FMN2: variants seen among roughly 807,000 people sequenced by gnomAD.
FMN2 encodes the protein formin-2.
A neutral mutation model predicts 142.3 loss-of-function variants in FMN2; 51 were observed. The observed-to-expected ratio is 0.36, with a 90% CI of 0.29 to 0.45. FMN2 has a LOEUF of 0.45. Ranked by LOEUF, FMN2 falls within the 20% of genes least tolerant of loss-of-function variation. The pLI is 1.00. For synonymous variants in FMN2, 882 were observed against 869.8 expected, an observed-to-expected ratio of 1.01 and a Z score of -0.25; for missense variants, 1,936 against 2,122.8, an observed-to-expected ratio of 0.91 and a Z score of 1.73.
intron 13 of FMN2, among the ~76,000 whole-genome samples, chr1:240,353,958 G>T (rs1672183152): frequency 6.6e-6 from 1 of 152,148 alleles, no homozygotes; most frequent in Non-Finnish European, 1.5e-5. Context: ...ATTAACATTT[G>T]CATTGAGTCT....
At chr1:240,099,944 C>T (rs1235169316) in intron 1 of FMN2, among the ~76,000 whole-genome samples, 2 of 152,250 alleles carry the variant, frequency 1.3e-5, no homozygotes, top group African/African-American at 4.8e-5. Flanking sequence ...ATATCTCTTC[C>T]GTGCCTTGCT....
intron 8 of FMN2, among the ~76,000 whole-genome samples, chr1:240,307,949 C>T (rs900025371): frequency 9.9e-5 from 15 of 152,042 alleles, no homozygotes; most frequent in African/African-American, 3.4e-4. Flanking sequence ...AGATCATTCA[C>T]CTTCTTGGTA....
intron 2 of FMN2, among the ~76,000 whole-genome samples, chr1:240,159,937 G>GTATATATA (rs35292759): frequency 1.4e-5 from 1 of 71,260 alleles, no homozygotes; most frequent in Non-Finnish European, 3.2e-5. Context: ...ATATATTTGT[G>GTATATATA]TATATATATA....
Position 240,092,350 on chromosome 1 carries a change from A to G in FMN2, c.241A>G (p.Arg81Gly). 6.2e-7 allele frequency: 1 copy of G among 1,609,254 alleles called. No homozygotes were observed. The highest frequency in any genetic ancestry group is 8.5e-7 in the Non-Finnish European group (1 of 1,176,886). The stretch of plus-strand genomic sequence containing the variant: ...CTCGGTGTTTTCCAACCTGCGGATC[A>G]GGAAGAATCTGTCCAAGGGGAAAGG... ...RASVFSNLRIRKNLSKGKGAG... is the reference protein window; with the variant it reads ...RASVFSNLRIGKNLSKGKGAG... Residue 81 changes from arginine to glycine, a missense_variant, in exon 1 of 18, where the codon AGG (arginine) becomes GGG (glycine). Coordinates refer to ENST00000319653, the MANE Select transcript of FMN2 (RefSeq NM_020066.5).
intron 15 of FMN2, among the ~76,000 whole-genome samples, chr1:240,425,769 G>C (rs1674921001): frequency 6.6e-6 from 1 of 152,192 alleles, no homozygotes; most frequent in South Asian, 2.1e-4. Flanking sequence ...AGAACGTGGT[G>C]AATGGCTTTG....
At chr1:240,227,264 A>G (rs1188986041) in intron 6 of FMN2, among the ~76,000 whole-genome samples, 1 of 152,134 alleles carries the variant, frequency 6.6e-6, no homozygotes, top group East Asian at 1.9e-4. Flanking sequence ...TTTACACTGA[A>G]TCTAGAAAGC....
At chr1:240,442,995 T>C (rs1675679531) in intron 16 of FMN2, among the ~76,000 whole-genome samples, 1 of 152,226 alleles carries the variant, frequency 6.6e-6, no homozygotes, top group Non-Finnish European at 1.5e-5. Flanking sequence ...TTGAAGTATA[T>C]AGCACAGTAT....
At chr1:240,149,074 A>G (rs978804833) in intron 2 of FMN2, among the ~76,000 whole-genome samples, 1 of 152,150 alleles carries the variant, frequency 6.6e-6, no homozygotes, top group Non-Finnish European at 1.5e-5. Context: ...TTCTTCCTTT[A>G]TATATTAACA....
chr1:240,271,106 T>TTTTTG (rs1045647908), intron 7 of FMN2, among the ~76,000 whole-genome samples: 2 of 143,546 alleles, frequency 1.4e-5, no homozygotes, highest in African/African-American at 2.7e-5. Flanking sequence ...TGGTTTTTTT[T>TTTTTG]TTTTTTTTTT....
chr1:240,187,979 A>G (rs1665550596), intron 3 of FMN2, among the ~76,000 whole-genome samples: 1 of 152,232 alleles, frequency 6.6e-6, no homozygotes, highest in Non-Finnish European at 1.5e-5. Flanking sequence ...AGAAGGGCAT[A>G]GGAATATCCC....
Position 240,098,097 on chromosome 1 carries a change from A to ATTT in FMN2, c.1615+4392_1615+4394dup, listed in dbSNP as rs35191164. Among the ~76,000 whole-genome samples, 36 of 98,670 alleles carry ATTT rather than the reference A, an allele frequency of 3.6e-4. 1 individual carries two copies. The highest frequency in any genetic ancestry group is 1.3e-3 in the African/African-American group (29 of 21,852). The allele number at this position is 98,670 out of a possible 152,430, so 64.7% of individuals were successfully genotyped here. Reference sequence around the variant, plus strand: ...TTGGCCTTTCTAAAGGTTATCTTGAATTTTTTTTTTTTTTTTTTTTTGGAG... The same window carrying ATTT: ...TTGGCCTTTCTAAAGGTTATCTTGAATTTTTTTTTTTTTTTTTTTTTTTTGGAG... On this transcript the variant is annotated intron_variant, in intron 1 of 17. Coordinates refer to ENST00000319653, the MANE Select transcript of FMN2 (RefSeq NM_020066.5).
intron 16 of FMN2, among the ~76,000 whole-genome samples, chr1:240,440,696 G>A (rs774906346): frequency 3.9e-5 from 6 of 152,162 alleles, no homozygotes; most frequent in South Asian, 2.1e-4. Context: ...AGATGAGAAC[G>A]CTGCTTTGCC....
intron 7 of FMN2, among the ~76,000 whole-genome samples, chr1:240,277,488 T>C (rs1343965447): frequency 1.3e-5 from 2 of 150,456 alleles, no homozygotes; most frequent in East Asian, 1.9e-4. Flanking sequence ...TTTATGAAGA[T>C]TATGCCTTAC....
At position 240,143,779 on chromosome 1, in the gene FMN2, ATC is replaced by A. The variant is rs1663299064; in HGVS notation, c.1782+20437_1782+20438del. 6 of 1,512,486 alleles carry A rather than the reference ATC, an allele frequency of 4.0e-6. No homozygotes were observed. In the South Asian group the frequency reaches 6.7e-5, roughly 17 times the overall value. 93.7% of individuals were successfully genotyped at this position (1,512,486 alleles called of 1,614,324 possible). ...TGGTCTGAAGGATAGTGGAAGTTAC[ATC>A]TCCATTGCAGGACCCCACTGCTATC... On this transcript the variant is annotated intron_variant, in intron 2 of 17. Coordinates refer to ENST00000319653, the MANE Select transcript of FMN2 (RefSeq NM_020066.5).
chr1:240,147,528 T>C (rs1434334740), intron 2 of FMN2, among the ~76,000 whole-genome samples: 1 of 152,156 alleles, frequency 6.6e-6, no homozygotes, highest in African/African-American at 2.4e-5. Flanking sequence ...GATTTCTCTC[T>C]GTCACCCAGG....
intron 15 of FMN2, among the ~76,000 whole-genome samples, chr1:240,408,049 A>G (rs372909979): frequency 6.6e-6 from 1 of 152,292 alleles, no homozygotes; most frequent in African/African-American, 2.4e-5. Flanking sequence ...ACAGCTCCCA[A>G]AGTTGACTAG....
intron 8 of FMN2, among the ~76,000 whole-genome samples, chr1:240,320,813 C>T (rs1670945476): frequency 2.0e-5 from 3 of 152,134 alleles, no homozygotes; most frequent in African/African-American, 7.2e-5. Flanking sequence ...TTCCTGATAC[C>T]GCTAAGATGG....
intron 11 of FMN2, among the ~76,000 whole-genome samples, chr1:240,333,554 A>T (rs1324685252): frequency 6.6e-6 from 1 of 152,198 alleles, no homozygotes; most frequent in African/African-American, 2.4e-5. Flanking sequence ...AACATAAAAA[A>T]TTATCAAACA....
intron 2 of FMN2, among the ~76,000 whole-genome samples, chr1:240,161,083 A>C (rs1354949663): frequency 6.6e-6 from 1 of 152,224 alleles, no homozygotes; most frequent in Non-Finnish European, 1.5e-5. Context: ...AATGACAAGT[A>C]TATGAACAGA....
Sources: gnomAD v4.1 joint callset for allele counts (sites outside exome capture counted in the v4.1 genomes callset) on GRCh38, gnomAD v4.1.1 for gene constraint, MANE v1.5 for transcripts, NCBI Gene and HGNC (gene_info 2026-07-23, HGNC 2026-07-21) for gene names.